The following MMP20 variants were observed in gnomAD, a reference collection of about 807,000 sequenced individuals.
MMP20 encodes the protein matrix metalloproteinase-20.
In MMP20, 50 loss-of-function variants were observed where a neutral mutation model predicts 51.8. The observed-to-expected ratio is 0.97, with a 90% confidence interval of 0.77 to 1.22. The LOEUF (loss-of-function observed/expected upper bound fraction) is 1.22. MMP20 is among the 50% of genes most tolerant of loss of function. The pLI is 0.00. For synonymous variants in MMP20, 244 were observed against 216.2 expected, an observed-to-expected ratio of 1.13 and a Z score of -1.13; for missense variants, 663 against 601.4, an observed-to-expected ratio of 1.10 and a Z score of -1.07.
intron 4 of MMP20, 148 bp downstream of exon 4, chr11:102,609,757 A>G (rs952882141): frequency 1.2e-5 from 13 of 1,054,444 alleles, no homozygotes; most frequent in African/African-American, 3.1e-5. Flanking sequence ...CCCTTATGTG[A>G]TCCCTTTTGG....
intron 8 of MMP20, among the ~76,000 whole-genome samples, chr11:102,582,409 A>G (rs1251771837): frequency 6.6e-6 from 1 of 152,224 alleles, no homozygotes; most frequent in Non-Finnish European, 1.5e-5. Context: ...TGGTTTCAGG[A>G]AGTTTTCTCA....
chr11:102,594,974 TGGCTCACTGCAACCTC>T (rs1162115875), intron 6 of MMP20, among the ~76,000 whole-genome samples: 1 of 151,620 alleles, frequency 6.6e-6, no homozygotes, highest in African/African-American at 2.4e-5. Context: ...GGCATGATCT[TGGCTCACTGCAACCTC>T]GGCTCACTGC....
intron 6 of MMP20, among the ~76,000 whole-genome samples, chr11:102,601,838 T>G (rs541379883): frequency 1.3e-5 from 2 of 152,338 alleles, no homozygotes; most frequent in Non-Finnish European, 2.9e-5. Context: ...TCTCACCAAA[T>G]TAGTGTCCTA....
At chr11:102,591,104 A>C (rs1377114177) in intron 8 of MMP20, among the ~76,000 whole-genome samples, 1 of 152,278 alleles carries the variant, frequency 6.6e-6, no homozygotes, top group Non-Finnish European at 1.5e-5. Flanking sequence ...TATGACAATA[A>C]GATGTCACAC....
At position 102,616,983 on chromosome 11, in the gene MMP20, A is replaced by T. The variant is rs368095511; in HGVS notation, c.203T>A (p.Met68Lys). Reference sequence around the variant, plus strand: ...TTGTAGCTCCTTAATCTTCCTTATCATGGAATTGCTTCCTCTTGCAACCAT... The same window carrying T: ...TTGTAGCTCCTTAATCTTCCTTATCTTGGAATTGCTTCCTCTTGCAACCAT... ...GEMVARGSNS[M>K]IRKIKELQAF... is the part of the protein sequence containing the mutation. The change falls in exon 2 of 10, where the codon ATG becomes AAG. Residue 68 changes from methionine to lysine, a missense_variant. Physicochemically the swap from Met to Lys is moderately conservative, Grantham distance 95. Coordinates refer to ENST00000260228, the MANE Select transcript of MMP20 (RefSeq NM_004771.4). 44 of 1,614,036 alleles carry T rather than the reference A, an allele frequency of 2.7e-5. No homozygotes were observed. The highest frequency in any genetic ancestry group is 3.6e-5 in the Non-Finnish European group (43 of 1,180,026).
chr11:102,584,633 A>G (rs2846369), intron 8 of MMP20, among the ~76,000 whole-genome samples: 66,837 of 151,976 alleles, frequency 0.44, 15,039 homozygotes, highest in South Asian at 0.6. Flanking sequence ...TTTTGAGTAA[A>G]TCCAACTTGT....
At chr11:102,585,996 G>A (rs1859250332) in intron 8 of MMP20, among the ~76,000 whole-genome samples, 1 of 152,064 alleles carries the variant, frequency 6.6e-6, no homozygotes, top group African/African-American at 2.4e-5. Flanking sequence ...GCTGGATTTA[G>A]GTTGTTGGTG....
chr11:102,615,149 A>T (rs1156995390), intron 2 of MMP20, among the ~76,000 whole-genome samples: 2 of 146,774 alleles, frequency 1.4e-5, no homozygotes, highest in Non-Finnish European at 3.0e-5. Context: ...AATAATAAAT[A>T]ACGTATTTTA....
chr11:102,584,486 T>C (rs751357373), intron 8 of MMP20, among the ~76,000 whole-genome samples: 10 of 152,204 alleles, frequency 6.6e-5, no homozygotes, highest in Non-Finnish European at 1.3e-4. Context: ...ATTTTTCTTG[T>C]TATTAATTGA....
chr11:102,611,425 C>A (rs148498574), intron 3 of MMP20, among the ~76,000 whole-genome samples: 9 of 152,330 alleles, frequency 5.9e-5, no homozygotes, highest in Non-Finnish European at 1.2e-4. Context: ...AAGTGATAAA[C>A]ACTATCATGG....
intron 8 of MMP20, among the ~76,000 whole-genome samples, chr11:102,589,532 A>G (rs1298242938): frequency 6.6e-6 from 1 of 152,116 alleles, no homozygotes; most frequent in Non-Finnish European, 1.5e-5. Flanking sequence ...GGCATTTCAC[A>G]TTTTTCCCTT....
intron 6 of MMP20, among the ~76,000 whole-genome samples, chr11:102,599,960 A>G (rs1011449786): frequency 6.6e-6 from 1 of 152,236 alleles, no homozygotes; most frequent in Admixed American, 6.5e-5. Flanking sequence ...GTGAAAATCC[A>G]TATTCATAAG....
At chr11:102,623,660 T>G (rs933657366) in intron 1 of MMP20, among the ~76,000 whole-genome samples, 3 of 152,340 alleles carry the variant, frequency 2.0e-5, no homozygotes, top group Middle Eastern at 3.4e-3. Context: ...TCTTTGCTTC[T>G]AGGCTAACCT....
At chr11:102,591,166 A>C (rs1859312436) in intron 8 of MMP20, among the ~76,000 whole-genome samples, 1 of 152,218 alleles carries the variant, frequency 6.6e-6, no homozygotes, top group South Asian at 2.1e-4. Context: ...GTTTATGAAT[A>C]GGGCCAGTAC....
At chr11:102,609,178 A>T in intron 4 of MMP20, 80 bp from the exon 5 acceptor site, 1 of 1,269,858 alleles carries the variant, frequency 7.9e-7, no homozygotes, top group African/African-American at 1.5e-5. Flanking sequence ...AGTATAATTT[A>T]TGCCCACATT....
intron 7 of MMP20, among the ~76,000 whole-genome samples, chr11:102,594,152 A>G (rs1859351622): frequency 2.0e-5 from 3 of 152,244 alleles, no homozygotes; most frequent in Non-Finnish European, 2.9e-5. Context: ...CTCAAATAGT[A>G]AAGGGCTAGA....
chr11:102,619,218 T>C (rs1256078531), intron 1 of MMP20, among the ~76,000 whole-genome samples: 1 of 152,122 alleles, frequency 6.6e-6, no homozygotes, highest in Non-Finnish European at 1.5e-5. Context: ...CTTGTGGTAA[T>C]GTCTGAATTA....
intron 2 of MMP20, among the ~76,000 whole-genome samples, chr11:102,612,486 A>T (rs576032498): frequency 9.2e-5 from 14 of 152,148 alleles, no homozygotes; most frequent in Non-Finnish European, 2.1e-4. Context: ...ATAAATAAAT[A>T]AGATAAATAA....
intron 8 of MMP20, among the ~76,000 whole-genome samples, 199 bp downstream of exon 8, chr11:102,593,240 G>A (rs1859337939): frequency 2.0e-5 from 3 of 152,164 alleles, no homozygotes; most frequent in African/African-American, 7.2e-5. Flanking sequence ...TGGGATTATT[G>A]AATGAAGGTT....
Sources: gnomAD v4.1 joint callset for allele counts (sites outside exome capture counted in the v4.1 genomes callset) on GRCh38, gnomAD v4.1.1 for gene constraint, MANE v1.5 for transcripts, NCBI Gene and HGNC (gene_info 2026-07-23, HGNC 2026-07-21) for gene names.